STK10: variants seen among roughly 807,000 people sequenced by gnomAD.
STK10 encodes serine/threonine-protein kinase 10.
In STK10, 78 loss-of-function variants were observed where a neutral mutation model predicts 113.8. The observed-to-expected ratio is 0.69, with a 90% CI of 0.57 to 0.83. The LOEUF (loss-of-function observed/expected upper bound fraction) is 0.83. STK10 is among the 40% of genes least tolerant of loss of function. STK10 has a pLI of 0.00. For missense variants in STK10, 1,109 were observed against 1,280.1 expected, an observed-to-expected ratio of 0.87 and a Z score of 2.04; for synonymous variants, 465 against 494.7, an observed-to-expected ratio of 0.94 and a Z score of 0.80.
chr5:172,119,444 G>A (rs924405354), intron 3 of STK10, among the ~76,000 whole-genome samples: 1 of 152,194 alleles, frequency 6.6e-6, no homozygotes, highest in African/African-American at 2.4e-5. Flanking sequence ...GCTGAGAGCA[G>A]TGGCTCAATG....
At chr5:172,134,500 G>T (rs1431122581) in intron 2 of STK10, among the ~76,000 whole-genome samples, 1 of 152,032 alleles carries the variant, frequency 6.6e-6, no homozygotes, top group African/African-American at 2.4e-5. Context: ...GTATATGGGG[G>T]TTAGTAAAAG....
chr5:172,106,625 A>G lies in STK10; in HGVS notation c.783T>C (p.Ser261=), dbSNP rs2306963. The change falls in exon 6 of 19, where the codon TCT becomes TCC. Residue 261 remains serine (S), a synonymous_variant. Transcript: ENST00000176763. The part of the protein sequence containing the change: ...KSDPPTLLTP[S]KWSVEFRDFL... ...GCCCTGCCCCTGCCCCTCACCACTT[A>G]GAGGGCGTGAGCAGCGTGGGAGGGT... is the stretch of plus-strand genomic sequence containing the variant. 0.73 allele frequency: 1,172,839 copies of G among 1,611,154 alleles called. 427,982 individuals are homozygous for G. The highest frequency in any genetic ancestry group is 0.84 in the East Asian group (37,610 of 44,792).
intron 1 of STK10, among the ~76,000 whole-genome samples, chr5:172,163,418 G>A (rs1770506306): frequency 6.6e-6 from 1 of 152,138 alleles, no homozygotes; most frequent in African/African-American, 2.4e-5. Flanking sequence ...CTTTGCTAAA[G>A]ATGAATGACA....
chr5:172,145,099 C>T (rs1049563192), intron 2 of STK10, among the ~76,000 whole-genome samples: 13 of 152,146 alleles, frequency 8.5e-5, no homozygotes, highest in Non-Finnish European at 1.3e-4. Flanking sequence ...AGATGCTAAC[C>T]GGACTTCAGC....
intron 4 of STK10, among the ~76,000 whole-genome samples, chr5:172,112,314 TAC>T (rs770084353): frequency 5.3e-5 from 8 of 150,668 alleles, no homozygotes; most frequent in Non-Finnish European, 7.4e-5. Flanking sequence ...CGCATGTGCA[TAC>T]ACACACACAC....
At chr5:172,105,271 CT>C (rs1769073082) in intron 7 of STK10, among the ~76,000 whole-genome samples, 1 of 151,716 alleles carries the variant, frequency 6.6e-6, no homozygotes, top group Admixed American at 6.6e-5. Flanking sequence ...CCTTCCCTTC[CT>C]GTGGACATCT....
chr5:172,165,878 C>G (rs6869338), intron 1 of STK10, among the ~76,000 whole-genome samples: 16,148 of 152,046 alleles, frequency 0.11, 1,299 homozygotes, highest in African/African-American at 0.23. Flanking sequence ...ACTGCAACCT[C>G]CACCTCCCGG....
intron 12 of STK10, among the ~76,000 whole-genome samples, chr5:172,076,982 G>A (rs1768324407): frequency 6.9e-6 from 1 of 144,688 alleles, no homozygotes; most frequent in Non-Finnish European, 1.5e-5. Flanking sequence ...GGAGGGCGAA[G>A]GCAAAGGAAC....
At chr5:172,047,464 A>G (rs79025594) in intron 18 of STK10, among the ~76,000 whole-genome samples, 5,426 of 152,346 alleles carry the variant, frequency 0.036, 147 homozygotes, top group Non-Finnish European at 0.052. Flanking sequence ...AACCTATGTC[A>G]GCAGGAACAT....
intron 2 of STK10, among the ~76,000 whole-genome samples, chr5:172,153,099 C>G (rs1770271723): frequency 6.6e-6 from 1 of 152,056 alleles, no homozygotes; most frequent in African/African-American, 2.4e-5. Context: ...CCAGCCTGAC[C>G]AACATGGAGA....
rs1768772476 is a variant in STK10, at chr5:172,093,614, CGGCTCT to C, written c.1346_1351del (p.Gln449_Ser450del). 1.2e-6 allele frequency: 2 copies of C among 1,614,114 alleles called. No homozygotes were observed. Among genetic ancestry groups the C allele is most frequent in the Non-Finnish European group, 1.7e-6 (2 of 1,180,038 alleles). ...GGTCTCCAGGGCGCTGCTGTTGGGCCGGCTCTGGCTGGCCTTTTGAGATCTGTTGGC... is the reference window on the plus strand; with the variant it reads ...GGTCTCCAGGGCGCTGCTGTTGGGCCGGCTGGCCTTTTGAGATCTGTTGGC... On this transcript the variant is annotated inframe_deletion, in exon 9 of 19. Coordinates refer to ENST00000176763, the MANE Select transcript of STK10 (RefSeq NM_005990.4). This position sits in a 1 kb window ranked among gnomAD's most constrained non-coding sequence, Gnocchi z 4.1.
At chr5:172,108,634 A>T (rs1467304526) in intron 4 of STK10, among the ~76,000 whole-genome samples, 3 of 147,128 alleles carry the variant, frequency 2.0e-5, no homozygotes, top group African/African-American at 7.5e-5. Flanking sequence ...AAAAAAAAAA[A>T]ATTAGCCAGG....
chr5:172,149,776 T>C (rs1770172511), intron 2 of STK10, among the ~76,000 whole-genome samples: 1 of 151,842 alleles, frequency 6.6e-6, no homozygotes, highest in African/African-American at 2.4e-5. Flanking sequence ...CCGGGCGCGG[T>C]GGCTCATGCC....
intron 12 of STK10, among the ~76,000 whole-genome samples, chr5:172,074,888 G>A (rs149048697): frequency 2.0e-5 from 3 of 152,058 alleles, no homozygotes; most frequent in East Asian, 3.9e-4. Flanking sequence ...GTGTGGTGGC[G>A]CATGTCTGTA....
intron 2 of STK10, among the ~76,000 whole-genome samples, chr5:172,132,179 G>C (rs1769770279): frequency 6.6e-6 from 1 of 152,106 alleles, no homozygotes; most frequent in African/African-American, 2.4e-5. Flanking sequence ...TAATCTCAAT[G>C]CTTTAGGAAA....
intron 4 of STK10, among the ~76,000 whole-genome samples, chr5:172,110,452 G>A (rs987479998): frequency 3.9e-5 from 6 of 152,192 alleles, no homozygotes; most frequent in South Asian, 2.1e-4. Context: ...CAAAACCCCC[G>A]GAATGCCTGG....
chr5:172,119,515 A>T (rs1769458345), intron 3 of STK10, among the ~76,000 whole-genome samples: 1 of 152,158 alleles, frequency 6.6e-6, no homozygotes. Flanking sequence ...CAGGAGTTCA[A>T]GGCCAGCCTG....
At chr5:172,066,119 G>A (rs574088751) in intron 12 of STK10, among the ~76,000 whole-genome samples, 4 of 152,096 alleles carry the variant, frequency 2.6e-5, no homozygotes, top group South Asian at 2.1e-4. Context: ...GGAAAGGCCC[G>A]CCTGTGATCA....
At position 172,179,146 on chromosome 5, in the gene STK10, G is replaced by A. The variant is rs181018965; in HGVS notation, c.156+8741C>T. Among the ~76,000 whole-genome samples, 126 of 152,194 alleles carry A rather than the reference G, an allele frequency of 8.3e-4. 1 individual carries two copies. Among genetic ancestry groups the A allele is most frequent in the Non-Finnish European group, 1.6e-4 (11 of 68,018 alleles). ...AGAGCAGCAATCATAACACCTCATCGTCATTTCCTGAGCCCTTCCTGGGTG... is the reference window on the plus strand; with the variant it reads ...AGAGCAGCAATCATAACACCTCATCATCATTTCCTGAGCCCTTCCTGGGTG... On this transcript the variant is annotated intron_variant, in intron 1 of 18. Coordinates refer to ENST00000176763, the MANE Select transcript of STK10 (RefSeq NM_005990.4).
Sources: allele counts gnomAD v4.1 joint callset (sites outside exome capture counted in the v4.1 genomes callset), GRCh38; gene constraint gnomAD v4.1.1; non-coding constraint Gnocchi (gnomAD v3.1); transcripts MANE v1.5; gene names NCBI Gene and HGNC (gene_info 2026-07-23, HGNC 2026-07-21).